The following ACTR3 variants were observed in gnomAD, a reference collection of about 807,000 sequenced individuals.
ACTR3 encodes actin-related protein 3.
In ACTR3, 12 loss-of-function variants were observed where a neutral mutation model predicts 56.8. That is an observed-to-expected ratio of 0.21 (90% CI 0.14 to 0.34). The LOEUF (loss-of-function observed/expected upper bound fraction) is 0.34, where lower values mean the gene tolerates loss of function less well. ACTR3 is among the 10% of genes least tolerant of loss of function. The pLI is 1.00. For missense variants in ACTR3, 282 were observed against 512.5 expected (o/e 0.55, Z 4.34); for synonymous variants, 162 against 167.4 (o/e 0.97, Z 0.25).
At chr2:113,940,811 T>C (rs1679910884) in intron 7 of ACTR3, among the ~76,000 whole-genome samples, 5 of 149,278 alleles carry the variant, frequency 3.3e-5, no homozygotes, top group Admixed American at 3.3e-4. Flanking sequence ...TAATTTCTTA[T>C]TTTTATTGAT....
intron 8 of ACTR3, among the ~76,000 whole-genome samples, chr2:113,948,461 G>A (rs4341941): frequency 0.87 from 132,447 of 152,250 alleles, 58,021 homozygotes; most frequent in African/African-American, 0.95. Context: ...TGTGTTAGGC[G>A]TTGTCTGTCG....
intron 1 of ACTR3, among the ~76,000 whole-genome samples, chr2:113,911,235 A>G (rs1433096716): frequency 7.9e-5 from 12 of 151,906 alleles, no homozygotes; most frequent in Admixed American, 7.9e-4. Flanking sequence ...GGGAGAGGTC[A>G]GAGGCCAAAT....
intron 3 of ACTR3, among the ~76,000 whole-genome samples, chr2:113,919,790 G>C (rs1368560968): frequency 1.4e-5 from 2 of 144,294 alleles, no homozygotes; most frequent in South Asian, 2.1e-4. Flanking sequence ...TGTCACCTAG[G>C]TTGCAGTGCA....
intron 10 of ACTR3, chr2:113,953,903 C>G (rs774741146): frequency 6.6e-6 from 1 of 152,184 alleles, no homozygotes; most frequent in African/African-American, 2.4e-5. Context: ...TCCCCCTTAT[C>G]CAGGATCCAA....
chr2:113,916,823 G>T (rs1406132430), intron 2 of ACTR3, 61 bp from the exon 3 acceptor site: 5 of 1,469,128 alleles, frequency 3.4e-6, no homozygotes, highest in Non-Finnish European at 3.7e-6. Flanking sequence ...AGAAGTGTAA[G>T]GTAAAAGTTT....
rs906640903 is a variant in ACTR3, at chr2:113,939,319, G to A, written c.541-640G>A. Among the ~76,000 whole-genome samples the A allele has an allele frequency of 2.0e-5, 3 of 152,272 alleles. No individual in the cohort carries two copies. In the South Asian group the frequency reaches 6.2e-4, roughly 32 times the overall value. ...TTACAGGCGTGAGCCACCGCGCCCGGCCGAAAACCTTTATTTCTTATAAAT... is the reference window on the plus strand; with the variant it reads ...TTACAGGCGTGAGCCACCGCGCCCGACCGAAAACCTTTATTTCTTATAAAT... On this transcript the variant is annotated intron_variant, in intron 6 of 11. Coordinates refer to ENST00000263238, the MANE Select transcript of ACTR3 (RefSeq NM_005721.5).
intron 1 of ACTR3, among the ~76,000 whole-genome samples, chr2:113,911,020 A>G (rs924810864): frequency 6.6e-6 from 1 of 152,184 alleles, no homozygotes; most frequent in Non-Finnish European, 1.5e-5. Flanking sequence ...GCTTTGTATT[A>G]AACAAGTTTT....
intron 7 of ACTR3, 185 bp downstream of exon 7, chr2:113,940,287 GTCTTCTGTTTTCTTCATATTTTATAT>G: frequency 4.5e-6 from 2 of 447,300 alleles, no homozygotes; most frequent in Non-Finnish European, 7.5e-6. Context: ...ACAGCAGTTT[GTCTTCTGTTTTCTTCATATTTTATAT>G]TTGAGAGGAG....
At chr2:113,911,611 G>GT (rs1171136324) in intron 1 of ACTR3, among the ~76,000 whole-genome samples, 1 of 151,912 alleles carries the variant, frequency 6.6e-6, no homozygotes, top group African/African-American at 2.4e-5. Flanking sequence ...TAGAGATGGG[G>GT]TTTCACCATG....
rs1274445783 is a variant in ACTR3, at chr2:113,940,188, AGTAC to A, written c.684+87_684+90del. 9 of 1,154,170 alleles carry A rather than the reference AGTAC, an allele frequency of 7.8e-6. No homozygotes were observed. The African/African-American group carries it at 1.3e-4, about 16-fold the overall frequency. The allele number at this position is 1,154,170 out of a possible 1,614,324, so 71.5% of individuals were successfully genotyped here. The stretch of plus-strand genomic sequence containing the variant: ...CGTGAGAAATTTTTAATAGAAGAAG[AGTAC>A]TTGAAATAATCTTGTTAACCAGTTA... On this transcript the variant is annotated intron_variant, in intron 7 of 11. Coordinates refer to ENST00000263238, the MANE Select transcript of ACTR3 (RefSeq NM_005721.5).
At chr2:113,931,171 C>T (rs2104609019) in intron 4 of ACTR3, 130 bp from the exon 5 acceptor site, 1 of 545,402 alleles carries the variant, frequency 1.8e-6, no homozygotes, top group East Asian at 3.3e-5. Context: ...CTGTGTCTGT[C>T]TTTCTACTTG....
At chr2:113,931,469 A>G in intron 5 of ACTR3, 73 bp downstream of exon 5, 1 of 952,428 alleles carries the variant, frequency 1.0e-6, no homozygotes, top group East Asian at 3.1e-5. Context: ...TAAAATACGT[A>G]CTTTTTTTTT....
At chr2:113,927,982 G>A (rs1311878443) in intron 4 of ACTR3, among the ~76,000 whole-genome samples, 1 of 151,934 alleles carries the variant, frequency 6.6e-6, no homozygotes, top group Non-Finnish European at 1.5e-5. Flanking sequence ...TTTTAACAAA[G>A]TTTGCCCTGC....
chr2:113,891,861 A>G (rs1335400250), intron 1 of ACTR3, among the ~76,000 whole-genome samples: 3 of 152,046 alleles, frequency 2.0e-5, no homozygotes, highest in Non-Finnish European at 1.5e-5. Flanking sequence ...TTTTTCCTTA[A>G]TTCAGTCTCA....
At chr2:113,907,589 C>G (rs1679218838) in intron 1 of ACTR3, among the ~76,000 whole-genome samples, 1 of 152,080 alleles carries the variant, frequency 6.6e-6, no homozygotes, top group Non-Finnish European at 1.5e-5. Flanking sequence ...GAAATCTTTA[C>G]AGAAAATTGC....
chr2:113,904,308 A>G (rs1026943902), intron 1 of ACTR3: 2 of 151,998 alleles, frequency 1.3e-5, no homozygotes, highest in Admixed American at 1.3e-4. Context: ...TTTATTATCA[A>G]TTACAGGTCT....
At chr2:113,943,765 G>A (rs1404705376) in intron 8 of ACTR3, among the ~76,000 whole-genome samples, 1 of 152,202 alleles carries the variant, frequency 6.6e-6, no homozygotes, top group African/African-American at 2.4e-5. Flanking sequence ...TACTGAAGGG[G>A]AGGAGTAGGT....
At chr2:113,890,613 G>A (rs999358845) in intron 1 of ACTR3, 815 of 1,302,502 alleles carry the variant, frequency 6.3e-4, no homozygotes, top group Non-Finnish European at 7.7e-4. Flanking sequence ...GGTGGGCAGC[G>A]CCGCCCAAAG....
chr2:113,951,933 GAAAAATAAGAGGAACCTGT>G, intron 10 of ACTR3, 88 bp downstream of exon 10: 2 of 1,522,116 alleles, frequency 1.3e-6, no homozygotes, highest in Non-Finnish European at 1.8e-6. Context: ...CTCTGATTTA[GAAAAATAAGAGGAACCTGT>G]CAGGTATTCT....
Sources: allele counts gnomAD v4.1 joint callset (sites outside exome capture counted in the v4.1 genomes callset), GRCh38; gene constraint gnomAD v4.1.1; transcripts MANE v1.5; gene names NCBI Gene and HGNC (gene_info 2026-07-23, HGNC 2026-07-21).